Variants in THSD4 observed in about 807,000 individuals in gnomAD.
The protein encoded by THSD4 is thrombospondin type 1 domain containing 4.
A neutral mutation model predicts 119.0 loss-of-function variants in THSD4; 69 were observed. The observed-to-expected ratio is 0.58, with a 90% CI of 0.48 to 0.71. The LOEUF (loss-of-function observed/expected upper bound fraction) is 0.71. Ranked by LOEUF, THSD4 falls within the 30% of genes least tolerant of loss-of-function variation. THSD4 has a pLI of 0.00. For missense variants in THSD4, 1,393 were observed against 1,391.1 expected (o/e 1.00, Z -0.02); for synonymous variants, 524 against 540.4 (o/e 0.97, Z 0.42).
At chr15:71,749,857 C>T (rs373190416) in intron 14 of THSD4, among the ~76,000 whole-genome samples, 5 of 152,008 alleles carry the variant, frequency 3.3e-5, no homozygotes, top group Admixed American at 2.0e-4. Context: ...GCCCCCCTCC[C>T]GCCAACGTAG....
intron 6 of THSD4, among the ~76,000 whole-genome samples, chr15:71,316,432 G>A (rs2045187452): frequency 6.6e-6 from 1 of 152,146 alleles, no homozygotes; most frequent in Non-Finnish European, 1.5e-5. Flanking sequence ...TTATCCACAA[G>A]GCATGATGGT....
At chr15:71,370,080 T>C (rs1165789435) in intron 6 of THSD4, among the ~76,000 whole-genome samples, 1 of 152,192 alleles carries the variant, frequency 6.6e-6, no homozygotes, top group Non-Finnish European at 1.5e-5. Context: ...GAGGTGTTTA[T>C]AGTGTTCTGT....
At chr15:71,112,764 T>C (rs1428343211), upstream of THSD4, among the ~76,000 whole-genome samples, 1 of 152,252 alleles carries the variant, frequency 6.6e-6, no homozygotes, top group Non-Finnish European at 1.5e-5. Flanking sequence ...TTCTGATTCA[T>C]ACGTGACAGA....
intron 4 of THSD4, among the ~76,000 whole-genome samples, chr15:71,233,923 GTGTGACC>G (rs2044081504): frequency 6.6e-6 from 1 of 152,186 alleles, no homozygotes; most frequent in Non-Finnish European, 1.5e-5. Context: ...TTCCCAGGAG[GTGTGACC>G]TGGATCCCCT....
chr15:71,230,813 G>A (rs566384852), intron 4 of THSD4, among the ~76,000 whole-genome samples: 2 of 152,356 alleles, frequency 1.3e-5, no homozygotes, highest in South Asian at 2.1e-4. Flanking sequence ...TTAGCTGGAA[G>A]CATCTCTCTT....
intron 7 of THSD4, among the ~76,000 whole-genome samples, chr15:71,520,255 G>A (rs548158740): frequency 3.3e-5 from 5 of 152,296 alleles, no homozygotes; most frequent in South Asian, 4.1e-4. Flanking sequence ...GGGAGGGGTC[G>A]ACTGGTCTAG....
chr15:71,143,593 A>G (rs1403839827), intron 2 of THSD4, among the ~76,000 whole-genome samples: 2 of 152,124 alleles, frequency 1.3e-5, no homozygotes, highest in Admixed American at 6.5e-5. Context: ...GACCCTCAAA[A>G]ATGTGGCCAC....
At chr15:71,395,934 CACACACACACACACACACAA>C (rs2046446852) in intron 6 of THSD4, among the ~76,000 whole-genome samples, 6 of 150,494 alleles carry the variant, frequency 4.0e-5, no homozygotes, top group Admixed American at 2.0e-4. Context: ...CACACACACA[CACACACACACACACACACAA>C]ACACAGACTT....
chr15:71,499,310 C>T (rs78412929), intron 7 of THSD4, among the ~76,000 whole-genome samples: 5 of 152,202 alleles, frequency 3.3e-5, no homozygotes, highest in African/African-American at 1.2e-4. Flanking sequence ...TCTTCTTGCC[C>T]TGACTACCCA....
At chr15:71,586,284 A>G (rs190808717) in intron 7 of THSD4, among the ~76,000 whole-genome samples, 20 of 152,268 alleles carry the variant, frequency 1.3e-4, no homozygotes, top group Admixed American at 2.6e-4. Context: ...CACACCCCTC[A>G]ATATAAATGT....
chr15:71,623,363 T>C (rs1054105513), intron 7 of THSD4, among the ~76,000 whole-genome samples: 1 of 152,218 alleles, frequency 6.6e-6, no homozygotes, highest in Non-Finnish European at 1.5e-5. Flanking sequence ...AATAGCCTTA[T>C]GAAAGAAGTA....
chr15:71,393,021 C>T (rs552835302), intron 6 of THSD4, among the ~76,000 whole-genome samples: 57 of 152,330 alleles, frequency 3.7e-4, no homozygotes, highest in Non-Finnish European at 4.4e-4. Context: ...CTCCGTTTCT[C>T]ATTTGTTCAA....
At chr15:71,603,690 T>G (rs955179040) in intron 7 of THSD4, among the ~76,000 whole-genome samples, 4 of 151,926 alleles carry the variant, frequency 2.6e-5, no homozygotes, top group Admixed American at 6.6e-5. Context: ...ACAGGTAGGG[T>G]CTTTGGAAGG....
intron 5 of THSD4, 43 bp downstream of exon 5, chr15:71,243,139 C>T (rs780307508): frequency 1.3e-6 from 2 of 1,558,028 alleles, no homozygotes; most frequent in South Asian, 2.5e-5. Flanking sequence ...ACAGCTGCCC[C>T]TCGTTTTTCT....
At chr15:71,664,617 A>G (rs1258861327) in intron 8 of THSD4, among the ~76,000 whole-genome samples, 2 of 152,074 alleles carry the variant, frequency 1.3e-5, no homozygotes, top group African/African-American at 4.8e-5. Flanking sequence ...TAAGCCTAGT[A>G]TCCAATAGTT....
rs149421451 is a variant in THSD4 at position 71,779,330 on chromosome 15, G to C, written c.*1956G>C. Reference sequence around the variant, plus strand: ...CAAGCATATTGACTGGTGCTGTTCAGGGCCTGCTCTTTTCCACTCACCACT... The same window carrying C: ...CAAGCATATTGACTGGTGCTGTTCACGGCCTGCTCTTTTCCACTCACCACT... On this transcript the variant is annotated 3_prime_UTR_variant, in exon 18 of 18. Transcript: ENST00000261862. 3 of 152,350 alleles carry C rather than the reference G, an allele frequency of 2.0e-5. No homozygotes were observed. The East Asian group carries it at 5.8e-4, about 29-fold the overall frequency. 9.4% of individuals were successfully genotyped at this position (152,350 alleles called of 1,614,324 possible).
chr15:71,166,667 T>A (rs77467581), intron 3 of THSD4, among the ~76,000 whole-genome samples: 6,778 of 152,258 alleles, frequency 0.045, 218 homozygotes, highest in Middle Eastern at 0.068. Context: ...GCTTCCATGC[T>A]CTATAGAAAT....
chr15:71,608,249 TACACACACACACAC>T (rs55892951), intron 7 of THSD4, among the ~76,000 whole-genome samples: 8,223 of 106,098 alleles, frequency 0.078, 370 homozygotes, highest in South Asian at 0.13. Flanking sequence ...TATATATATA[TACACACACACACAC>T]ACACACACAC....
chr15:71,706,729 A>G (rs981423703), intron 8 of THSD4, among the ~76,000 whole-genome samples: 19 of 152,306 alleles, frequency 1.2e-4, no homozygotes, highest in Middle Eastern at 3.4e-3. Context: ...CATGCTACCA[A>G]CGTGACATCT....
Sources: allele counts gnomAD v4.1 joint callset (sites outside exome capture counted in the v4.1 genomes callset), GRCh38; gene constraint gnomAD v4.1.1; transcripts MANE v1.5; gene names NCBI Gene and HGNC (gene_info 2026-07-23, HGNC 2026-07-21).